Variants in KYNU observed in about 807,000 individuals in gnomAD.
KYNU encodes the protein kynureninase.
Under a neutral mutation model 59.2 loss-of-function variants are expected in KYNU, and 54 were observed. The observed-to-expected ratio is 0.91, with a 90% CI of 0.73 to 1.14. The LOEUF is 1.14. Ranked by LOEUF, KYNU falls within the 50% of genes most tolerant of loss-of-function variation. The pLI, the probability that KYNU is intolerant of heterozygous loss-of-function variation, is 0.00. For missense variants in KYNU, 567 were observed against 554.4 expected (o/e 1.02, Z -0.23); for synonymous variants, 177 against 192.0 (o/e 0.92, Z 0.65).
chr2:142,908,497 T>G (rs1291845352), intron 2 of KYNU, among the ~76,000 whole-genome samples: 2 of 151,044 alleles, frequency 1.3e-5, no homozygotes, highest in African/African-American at 4.9e-5. Flanking sequence ...GTTGTGGGAT[T>G]TTTTTTAAAA....
At chr2:142,953,847 C>T (rs1365443747) in intron 4 of KYNU, among the ~76,000 whole-genome samples, 1 of 152,128 alleles carries the variant, frequency 6.6e-6, no homozygotes, top group Non-Finnish European at 1.5e-5. Context: ...AAATTATATA[C>T]TTATTTACAT....
intron 3 of KYNU, among the ~76,000 whole-genome samples, chr2:142,925,682 T>C (rs550266653): frequency 6.6e-6 from 1 of 152,290 alleles, no homozygotes; most frequent in East Asian, 1.9e-4. Flanking sequence ...AATTATTAAA[T>C]ACTCAGAATT....
chr2:143,016,883 A>G (rs1483169134), intron 10 of KYNU, among the ~76,000 whole-genome samples: 2 of 151,796 alleles, frequency 1.3e-5, no homozygotes, highest in African/African-American at 4.8e-5. Context: ...TCAATTCTCA[A>G]TCCCCTCCCT....
At chr2:143,025,066 C>A (rs971389879) in intron 10 of KYNU, among the ~76,000 whole-genome samples, 2 of 151,288 alleles carry the variant, frequency 1.3e-5, no homozygotes, top group African/African-American at 4.9e-5. Context: ...TTTTCTAGTT[C>A]TTTCCTGATT....
intron 4 of KYNU, among the ~76,000 whole-genome samples, chr2:142,937,629 G>A (rs1402140607): frequency 6.6e-6 from 1 of 152,194 alleles, no homozygotes; most frequent in African/African-American, 2.4e-5. Context: ...TGTGGACAGA[G>A]AAAGTAAAGT....
At chr2:142,933,613 G>T (rs1185220938) in intron 4 of KYNU, among the ~76,000 whole-genome samples, 1 of 152,180 alleles carries the variant, frequency 6.6e-6, no homozygotes, top group Non-Finnish European at 1.5e-5. Context: ...GTGACTAAGG[G>T]GGTGCATAAT....
At chr2:142,951,237 T>C (rs560343264) in intron 4 of KYNU, among the ~76,000 whole-genome samples, 1 of 152,292 alleles carries the variant, frequency 6.6e-6, no homozygotes, top group South Asian at 2.1e-4. Flanking sequence ...GCCACAGACC[T>C]ACAGTTTGTT....
chr2:142,928,987 G>A (rs77013148), intron 4 of KYNU, among the ~76,000 whole-genome samples: 3,178 of 117,218 alleles, frequency 0.027, 130 homozygotes, highest in Admixed American at 0.15. Flanking sequence ...CAGCCTGGAC[G>A]ACAGGGTGAC....
intron 1 of KYNU, among the ~76,000 whole-genome samples, chr2:142,878,452 A>T (rs1681177572): frequency 6.6e-6 from 1 of 152,142 alleles, no homozygotes; most frequent in Non-Finnish European, 1.5e-5. Context: ...AATCTTGCTC[A>T]ATATGCATAT....
intron 2 of KYNU, among the ~76,000 whole-genome samples, chr2:142,918,347 C>T (rs463427): frequency 1.3e-5 from 2 of 151,950 alleles, no homozygotes; most frequent in Middle Eastern, 3.4e-3. Flanking sequence ...ATTGGAAGTA[C>T]TTGCTAATTT....
At chr2:143,022,381 T>C (rs1686435191) in intron 10 of KYNU, among the ~76,000 whole-genome samples, 1 of 152,092 alleles carries the variant, frequency 6.6e-6, no homozygotes, top group Non-Finnish European at 1.5e-5. Context: ...AACCCTACTG[T>C]TCATAATGTG....
intron 2 of KYNU, among the ~76,000 whole-genome samples, chr2:142,918,004 G>A (rs1682721807): frequency 6.6e-6 from 1 of 152,052 alleles, no homozygotes; most frequent in Non-Finnish European, 1.5e-5. Context: ...GTTTGCAGTG[G>A]GTTAACTGTA....
chr2:142,906,357 C>CG (rs1682297271), intron 2 of KYNU, among the ~76,000 whole-genome samples: 2 of 151,906 alleles, frequency 1.3e-5, no homozygotes, highest in South Asian at 4.2e-4. Context: ...GGTGGTGGGT[C>CG]GGGGGATGCT....
intron 2 of KYNU, among the ~76,000 whole-genome samples, chr2:142,910,210 C>T (rs2104969183): frequency 7.2e-6 from 1 of 138,146 alleles, no homozygotes; most frequent in Non-Finnish European, 1.5e-5. Context: ...GATCTCGGCT[C>T]ATTGCAATCT....
At chr2:142,928,762 C>CT (rs140801168) in intron 4 of KYNU, among the ~76,000 whole-genome samples, 1,632 of 152,088 alleles carry the variant, frequency 0.011, 34 homozygotes, top group African/African-American at 0.038. Context: ...AATCCCAGCA[C>CT]TTTGACAGTC....
Position 142,918,581 on chromosome 2 carries a change from T to A in KYNU, c.170-28T>A, listed in dbSNP as rs775848355. 1.1e-4 allele frequency: 162 copies of A among 1,505,860 alleles called. 2 individuals carry two copies. Among genetic ancestry groups the A allele is most frequent in the African/African-American group, 1.7e-4 (12 of 70,934 alleles). 93.3% of individuals were successfully genotyped at this position (1,505,860 alleles called of 1,614,324 possible). On this transcript the variant is annotated intron_variant, in intron 2 of 13. Coordinates refer to ENST00000264170, the MANE Select transcript of KYNU (RefSeq NM_003937.3). ...TACTGAAAAAGCTTTTATTTTTTTT[T>A]TTTTTTTTGACATTTCTTCTGTTTC...
intron 2 of KYNU, among the ~76,000 whole-genome samples, chr2:142,887,732 A>G (rs1437956963): frequency 6.6e-6 from 1 of 152,202 alleles, no homozygotes; most frequent in South Asian, 2.1e-4. Context: ...AAAACCAAGT[A>G]GAATGGTAGT....
chr2:142,982,371 A>G (rs900636832), intron 8 of KYNU, among the ~76,000 whole-genome samples: 2 of 152,118 alleles, frequency 1.3e-5, no homozygotes, highest in Admixed American at 1.3e-4. Flanking sequence ...TAAACATTGC[A>G]ACATTTTGAT....
rs1687344058 is a variant in KYNU, at chr2:143,055,727, A to T, written c.*13555A>T. 6.6e-6 allele frequency: 1 copy of T among 152,070 alleles called. No individual in the cohort carries two copies. Among genetic ancestry groups the T allele is most frequent in the Non-Finnish European group, 1.5e-5 (1 of 68,000 alleles). The allele number at this position is 152,070 out of a possible 1,614,324, so 9.4% of individuals were successfully genotyped here. On this transcript the variant is annotated 3_prime_UTR_variant, in exon 14 of 14. Transcript: ENST00000264170. ...GAGAGGTAGGAGGGAAGAAGAAAAA[A>T]ATAGTATGAAAAAATCTTGATAAAT...
Sources: allele counts gnomAD v4.1 joint callset (sites outside exome capture counted in the v4.1 genomes callset), GRCh38; gene constraint gnomAD v4.1.1; transcripts MANE v1.5; gene names NCBI Gene and HGNC (gene_info 2026-07-23, HGNC 2026-07-21).